DNMT1: variants seen among roughly 807,000 people sequenced by gnomAD.
The protein encoded by DNMT1 is DNA methyltransferase 1, also known as DNA (cytosine-5)-methyltransferase 1.
A neutral mutation model predicts 205.3 loss-of-function variants in DNMT1; 24 were observed. The ratio of observed to expected loss-of-function variants is 0.12; its 90% CI spans 0.08 to 0.16. DNMT1 has a LOEUF of 0.16. Among genes scored for constraint, DNMT1 ranks in the 10% least tolerant of loss-of-function variants. DNMT1 has a pLI of 1.00. For missense variants in DNMT1, 1,293 were observed against 2,177.7 expected (o/e 0.59, Z 8.09); for synonymous variants, 817 against 839.8 (o/e 0.97, Z 0.47).
At position 10,141,866 on chromosome 19, in the gene DNMT1, C is replaced by A. The variant is rs555483184; in HGVS notation, c.3309+162G>T. On this transcript the variant is annotated intron_variant, in intron 30 of 40. Transcript: ENST00000359526. ...TGTGCTCTGGAGAACCCTGCTCAGA[C>A]CCCCGTAAAGCTCCTGCAGAACAGC... 110 of 761,332 alleles carry A rather than the reference C, an allele frequency of 1.4e-4. 1 individual carries two copies. In the African/African-American group the frequency reaches 1.6e-3, roughly 11 times the overall value. 47.2% of individuals were successfully genotyped at this position (761,332 alleles called of 1,614,324 possible).
chr19:10,194,733 G>GGCCACCGGCCACCCCGAGGGGAA (rs2039371156), intron 1 of DNMT1, 87 bp downstream of exon 1: 1 of 1,479,652 alleles, frequency 6.8e-7, no homozygotes, highest in Admixed American at 2.3e-5. Flanking sequence ...TGTCAGCAGC[G>GGCCACCGGCCACCCCGAGGGGAA]GCCACCGGCC....
chr19:10,176,875 A>G (rs1442579543), intron 6 of DNMT1, among the ~76,000 whole-genome samples: 3 of 152,170 alleles, frequency 2.0e-5, no homozygotes, highest in African/African-American at 4.8e-5. Context: ...AGACTGCTAA[A>G]TGTTAGCAAT....
At chr19:10,166,532 C>G in intron 11 of DNMT1, 66 bp downstream of exon 11, 1 of 1,602,096 alleles carries the variant, frequency 6.2e-7, no homozygotes, top group Non-Finnish European at 8.5e-7. Flanking sequence ...ACCCTGCGCA[C>G]TCCCGCCCAA....
intron 6 of DNMT1, among the ~76,000 whole-genome samples, chr19:10,176,855 CA>C (rs34288732): frequency 7.1e-5 from 10 of 141,640 alleles, no homozygotes; most frequent in Admixed American, 1.4e-4. Context: ...GATGCTGTCT[CA>C]AAAAAAAAAG....
At chr19:10,191,845 T>C (rs981813848) in intron 1 of DNMT1, among the ~76,000 whole-genome samples, 1 of 151,942 alleles carries the variant, frequency 6.6e-6, no homozygotes. Flanking sequence ...AAAAAAATTT[T>C]TTTTTTTTCT....
chr19:10,155,787 C>T (rs2038445126), intron 19 of DNMT1, 66 bp downstream of exon 19: 1 of 1,526,822 alleles, frequency 6.5e-7, no homozygotes, highest in Non-Finnish European at 9.0e-7. Flanking sequence ...CCCGTCAGCC[C>T]CCAGGAAGGA....
chr19:10,162,178 G>T (rs1454568052), intron 13 of DNMT1, among the ~76,000 whole-genome samples: 3 of 145,552 alleles, frequency 2.1e-5, no homozygotes, highest in Non-Finnish European at 3.0e-5. Flanking sequence ...TTGCTCTGTT[G>T]TCCAGGCAGG....
chr19:10,163,291 G>C, intron 12 of DNMT1, 35 bp downstream of exon 12: 1 of 1,612,714 alleles, frequency 6.2e-7, no homozygotes, highest in Non-Finnish European at 8.5e-7. Context: ...TACTGATCCA[G>C]ATGACACAAA....
intron 1 of DNMT1, among the ~76,000 whole-genome samples, chr19:10,183,495 G>A (rs979593510): frequency 3.9e-5 from 6 of 152,110 alleles, no homozygotes; most frequent in South Asian, 2.1e-4. Context: ...CAAGGCGAGC[G>A]GATCACTTGA....
intron 1 of DNMT1, among the ~76,000 whole-genome samples, chr19:10,190,396 C>T (rs141323272): frequency 1.7e-3 from 257 of 152,122 alleles, no homozygotes; most frequent in African/African-American, 5.7e-3. Context: ...TGGCACCATG[C>T]GGGATACACC....
rs761660016 is a variant in DNMT1, at chr19:10,156,385, C to A, written c.1399+6G>T. On this transcript the variant is annotated splice_donor_region_variant and intron_variant, in intron 18 of 40. Coordinates refer to ENST00000359526, the MANE Select transcript of DNMT1 (RefSeq NM_001130823.3). The surrounding 1 kb of genome is among the most constrained non-coding windows in gnomAD (Gnocchi z 4.2). ...GCCCCAAACATAATCCCGGACTATTCCTTACCTTCAAGAGATGGGTCATCA... is the reference window on the plus strand; with the variant it reads ...GCCCCAAACATAATCCCGGACTATTACTTACCTTCAAGAGATGGGTCATCA... The A allele has an allele frequency of 4.4e-6, 7 of 1,602,426 alleles. No homozygotes were observed. The South Asian group carries it at 7.7e-5, about 18-fold the overall frequency.
At position 10,156,328 on chromosome 19, in the gene DNMT1, T is replaced by G; in HGVS notation, c.1399+63A>C. Reference sequence around the variant, plus strand: ...CCCCAAAGTGCTAGGATTACAGATGTGAGCCACCCTGCCTGGCTGTTTTTA... The same window carrying G: ...CCCCAAAGTGCTAGGATTACAGATGGGAGCCACCCTGCCTGGCTGTTTTTA... On this transcript the variant is annotated intron_variant, in intron 18 of 40. Transcript: ENST00000359526. This position sits in a 1 kb window ranked among gnomAD's most constrained non-coding sequence, Gnocchi z 4.2. 4.1e-5 allele frequency: 55 copies of G among 1,337,732 alleles called. No individual in the cohort carries two copies. Among genetic ancestry groups the G allele is most frequent in the Non-Finnish European group, 5.5e-5 (51 of 932,750 alleles). The allele number at this position is 1,337,732 out of a possible 1,614,324, so 82.9% of individuals were successfully genotyped here. A position where few individuals can be genotyped will look rare whatever the true frequency, so the allele number is the denominator to read the frequency against.
chr19:10,171,156 C>T (rs2038807917), intron 9 of DNMT1, among the ~76,000 whole-genome samples: 1 of 151,998 alleles, frequency 6.6e-6, no homozygotes, highest in South Asian at 2.1e-4. Context: ...AAAACAGGAC[C>T]CAGCATCTGT....
rs1269447366 is a variant in DNMT1 at position 10,151,575 on chromosome 19, C to T, written c.2118-30G>A. ...AATGTCACTGGTTATACCTAAGGCC[C>T]CTTTTCTAAGTAAGACCAACCGGGG... On this transcript the variant is annotated intron_variant, in intron 23 of 40. Transcript: ENST00000359526. The surrounding 1 kb of genome is among the most constrained non-coding windows in gnomAD (Gnocchi z 5.0). 2 of 1,612,738 alleles carry T rather than the reference C, an allele frequency of 1.2e-6. No individual in the cohort carries two copies. Among genetic ancestry groups the T allele is most frequent in the African/African-American group, 1.3e-5 (1 of 74,894 alleles).
Position 10,146,237 on chromosome 19 carries a change from G to A in DNMT1, c.2894+114C>T. The A allele has an allele frequency of 6.1e-6, 8 of 1,308,650 alleles. No homozygotes were observed. Among genetic ancestry groups the A allele is most frequent in the Non-Finnish European group, 8.5e-6 (8 of 945,072 alleles). The allele number at this position is 1,308,650 out of a possible 1,614,324, so 81.1% of individuals were successfully genotyped here. A position where few individuals can be genotyped will look rare whatever the true frequency, so the allele number is the denominator to read the frequency against. On this transcript the variant is annotated intron_variant, in intron 28 of 40. Transcript: ENST00000359526. This position sits in a 1 kb window ranked among gnomAD's most constrained non-coding sequence, Gnocchi z 4.4. ...GCCACCTATGCCAACGTGACGGCTA[G>A]GACAACAGCTGGTGCGGAGGGATTG...
intron 17 of DNMT1, among the ~76,000 whole-genome samples, chr19:10,158,342 C>G (rs1300706424): frequency 6.6e-6 from 1 of 152,146 alleles, no homozygotes; most frequent in African/African-American, 2.4e-5. Flanking sequence ...ATAGAAGGAT[C>G]CCATAGAAGG....
intron 22 of DNMT1, among the ~76,000 whole-genome samples, chr19:10,152,160 CAAAAAAAAAAAAAA>C (rs56725732): frequency 2.1e-4 from 3 of 14,334 alleles, no homozygotes; most frequent in Admixed American, 3.7e-3. Context: ...AACTCCATCT[CAAAAAAAAAAAAAA>C]AAAAAAAAAA....
Position 10,162,763 on chromosome 19 carries a change from G to C in DNMT1, c.927-15C>G. On this transcript the variant is annotated splice_polypyrimidine_tract_variant and intron_variant, in intron 12 of 40. Coordinates refer to ENST00000359526, the MANE Select transcript of DNMT1 (RefSeq NM_001130823.3). ...GTTTGGCAGCTCTGCAGGGTGAACA[G>C]ATACACAGCAAGTAGCAGCTTAGAA... The C allele has an allele frequency of 6.2e-7, 1 of 1,613,680 alleles. No individual in the cohort carries two copies. The highest frequency in any genetic ancestry group is 1.7e-5 in the Admixed American group (1 of 59,970).
Position 10,143,840 on chromosome 19 carries a change from C to A in DNMT1, c.3042G>T (p.Glu1014Asp), listed in dbSNP as rs745780816. ...PEPYRIGRIK[E>D]IFCPKKSNGR... ...CGTTGCTCTTCTTGGGACAGAAGAT[C>A]TCTTTGATCCGGCCAATTCGGTAGG... Residue 1014 changes from glutamate (E) to aspartate (D), a missense_variant, in exon 29 of 41, where the codon GAG (glutamate) becomes GAT (aspartate). Physicochemically the swap from Glu to Asp is conservative, Grantham distance 45. Around this residue, in one of 13 missense-constraint regions of DNMT1, gnomAD observed 167 missense variants for 258.1 expected, o/e 0.65. Coordinates refer to ENST00000359526, the MANE Select transcript of DNMT1 (RefSeq NM_001130823.3). 2 of 1,614,166 alleles carry A rather than the reference C, an allele frequency of 1.2e-6. No homozygotes were observed. The highest frequency in any genetic ancestry group is 1.7e-6 in the Non-Finnish European group (2 of 1,180,044).
Sources: gnomAD v4.1 joint callset for allele counts (sites outside exome capture counted in the v4.1 genomes callset) on GRCh38, gnomAD v4.1.1 for gene constraint, gnomAD v4.1.1 regional missense constraint, Gnocchi (gnomAD v3.1) non-coding constraint, MANE v1.5 for transcripts, NCBI Gene and HGNC (gene_info 2026-07-23, HGNC 2026-07-21) for gene names.